Variants in AGFG2 observed in about 807,000 individuals in gnomAD.
The protein encoded by AGFG2 is arf-GAP domain and FG repeat-containing protein 2.
Under a neutral mutation model 48.0 loss-of-function variants are expected in AGFG2, and 31 were observed. The ratio of observed to expected loss-of-function variants is 0.65; its 90% CI spans 0.49 to 0.87. The LOEUF (loss-of-function observed/expected upper bound fraction) is 0.87. Among genes scored for constraint, AGFG2 ranks in the 40% least tolerant of loss-of-function variants. AGFG2 has a pLI of 0.00. For missense variants in AGFG2, 599 were observed against 632.6 expected, an observed-to-expected ratio of 0.95 and a Z score of 0.57; for synonymous variants, 229 against 260.8, an observed-to-expected ratio of 0.88 and a Z score of 1.18.
At position 100,545,944 on chromosome 7, in the gene AGFG2, C is replaced by G. The variant is rs1375449023; in HGVS notation, c.222-2878C>G. ...TGACTCATAGGCCATGTAACTAGGC[C>G]CCCTTCCTAGGCTGCAGTGTTGCCT... On this transcript the variant is annotated intron_variant, in intron 1 of 11. Coordinates refer to ENST00000300176, the MANE Select transcript of AGFG2 (RefSeq NM_006076.5). Among the ~76,000 whole-genome samples, 3 of 152,104 alleles carry G rather than the reference C, an allele frequency of 2.0e-5. 1 individual carries two copies. In the East Asian group the frequency reaches 5.8e-4, roughly 29 times the overall value.
In AGFG2 at chr7:100,562,906, G is replaced by A. The variant is rs201635709; in HGVS notation, c.1131G>A (p.Leu377=). 3.5e-5 allele frequency: 57 copies of A among 1,614,140 alleles called. No individual in the cohort carries two copies. In the Admixed American group the frequency reaches 3.8e-4, roughly 11 times the overall value. Reference sequence around the variant, plus strand: ...CAGCTCCCGCCGCCCAGTCCCCGCTGCCTTCCACCAACCCGTTCCAGCCCA... The same window carrying A: ...CAGCTCCCGCCGCCCAGTCCCCGCTACCTTCCACCAACCCGTTCCAGCCCA... ...PFTAPAAQSP[L]PSTNPFQPNG... The change falls in exon 9 of 12, where the codon CTG becomes CTA. Residue 377 remains leucine, a synonymous_variant. Transcript: ENST00000300176. The surrounding 1 kb of genome is among the most constrained non-coding windows in gnomAD (Gnocchi z 5.4).
In AGFG2 at chr7:100,562,290, T is replaced by TC; in HGVS notation, c.913dup (p.Leu305ProfsTer28). On this transcript the variant is annotated frameshift_variant, in exon 7 of 12. Coordinates refer to ENST00000300176, the MANE Select transcript of AGFG2 (RefSeq NM_006076.5). LOFTEE classifies it high-confidence loss of function. This position sits in a 1 kb window ranked among gnomAD's most constrained non-coding sequence, Gnocchi z 5.4. Reference sequence around the variant, plus strand: ...GCCAGGGGACTCCATTTGGTGCCACTCCCCTGGCACCCGCCAGTCAGCCAA... The same window carrying TC: ...GCCAGGGGACTCCATTTGGTGCCACTCCCCCTGGCACCCGCCAGTCAGCCAA... The TC allele has an allele frequency of 4.3e-6, 7 of 1,610,602 alleles. No homozygotes were observed. Among genetic ancestry groups the TC allele is most frequent in the Non-Finnish European group, 5.1e-6 (6 of 1,179,444 alleles).
Position 100,554,253 on chromosome 7 carries a change from T to G in AGFG2, c.746T>G (p.Phe249Cys). ...MAPAFAAFPA[F>C]GGQTPSQGGF... ...CCAGCTTTTGCTGCATTCCCTGCCT[T>G]TGGGGGTAAGTGGGTTTTGGGATGG... Residue 249 changes from phenylalanine (F) to cysteine (C), a missense_variant, in exon 5 of 12, where the codon TTT becomes TGT. Transcript: ENST00000300176. 6.2e-7 allele frequency: 1 copy of G among 1,611,980 alleles called. No individual in the cohort carries two copies. Among genetic ancestry groups the G allele is most frequent in the Non-Finnish European group, 8.5e-7 (1 of 1,178,932 alleles).
rs746581473 is a variant in AGFG2 at position 100,554,094 on chromosome 7, C to T, written c.587C>T (p.Pro196Leu). Residue 196 changes from proline to leucine, a missense_variant and splice_region_variant, in exon 5 of 12, where the codon CCC becomes CTC. Transcript: ENST00000300176. ...TGTATGCATTCCTTCTCCTCCAAGC[C>T]CGTCAGTCAGTCTCACGCTCGGACA... The part of the protein sequence containing the change: ...LSVAASTSSQ[P>L]VSQSHARTSQ... 1.2e-6 allele frequency: 2 copies of T among 1,612,396 alleles called. No homozygotes were observed. The highest frequency in any genetic ancestry group is 1.3e-5 in the African/African-American group (1 of 74,882).
At chr7:100,555,808 A>T (rs1013585490) in intron 6 of AGFG2, 73 bp downstream of exon 6, 3 of 1,578,140 alleles carry the variant, frequency 1.9e-6, no homozygotes, top group Non-Finnish European at 2.6e-6. Context: ...ATCACCATTC[A>T]TATCCTCACT....
chr7:100,563,692 A>C, intron 9 of AGFG2, 142 bp from the exon 10 acceptor site: 36 of 1,241,504 alleles, frequency 2.9e-5, no homozygotes, highest in Non-Finnish European at 3.8e-5. Context: ...GAGAAGCAGA[A>C]GAGTTCCATG....
At chr7:100,549,795 C>T (rs777388524) in intron 2 of AGFG2, among the ~76,000 whole-genome samples, 19 of 152,128 alleles carry the variant, frequency 1.2e-4, no homozygotes, top group African/African-American at 2.2e-4. Context: ...TGGGCTCAAA[C>T]GATCCTCCCA....
In AGFG2 at chr7:100,539,399, G is replaced by T; in HGVS notation, c.53G>T (p.Gly18Val). ...GGCCCGGGCGGCGGGGTCAGCGGGG[G>T]CAAGGCGGAGGCGGAGGCGGCCTCG... Reference protein sequence around the residue: ...GPGPGGGVSGGKAEAEAASEV... With the variant: ...GPGPGGGVSGVKAEAEAASEV... Residue 18 changes from glycine (G) to valine (V), a missense_variant, in exon 1 of 12, where the codon GGC becomes GTC. By Grantham distance (109) the Gly-to-Val change is moderately radical. Coordinates refer to ENST00000300176, the MANE Select transcript of AGFG2 (RefSeq NM_006076.5). 7.6e-7 allele frequency: 1 copy of T among 1,312,136 alleles called. No individual in the cohort carries two copies. The highest frequency in any genetic ancestry group is 9.7e-7 in the Non-Finnish European group (1 of 1,027,576). The allele number at this position is 1,312,136 out of a possible 1,614,324, so 81.3% of individuals were successfully genotyped here.
At position 100,539,285 on chromosome 7, in the gene AGFG2, G is replaced by A. The variant is rs1045253935; in HGVS notation, c.-62G>A. 4.7e-6 allele frequency: 6 copies of A among 1,267,748 alleles called. No homozygotes were observed. In the African/African-American group the frequency reaches 6.2e-5, roughly 13 times the overall value. The allele number at this position is 1,267,748 out of a possible 1,614,324, so 78.5% of individuals were successfully genotyped here. On this transcript the variant is annotated 5_prime_UTR_variant, in exon 1 of 12. Transcript: ENST00000300176. ...CCGGGCGTGCGGAGGCGGCTGAGGA[G>A]GCGGGAAGGCGGCAGTGGTTGAAGG...
At position 100,565,103 on chromosome 7, in the gene AGFG2, T is replaced by G; in HGVS notation, c.*112T>G. On this transcript the variant is annotated 3_prime_UTR_variant, in exon 12 of 12. Transcript: ENST00000300176. ...CTATGGGCCTTGGGGATGGTGGAGG[T>G]GCTAATGCTTTGCTTGGGGCCTACA... 1 of 1,251,948 alleles carries G rather than the reference T, an allele frequency of 8.0e-7. No individual in the cohort carries two copies. The highest frequency in any genetic ancestry group is 1.2e-6 in the Non-Finnish European group (1 of 855,952). 77.6% of individuals were successfully genotyped at this position (1,251,948 alleles called of 1,614,324 possible). A position where few individuals can be genotyped will look rare whatever the true frequency, so the allele number is the denominator to read the frequency against.
chr7:100,564,034 C>T (rs537592052), intron 10 of AGFG2, 72 bp downstream of exon 10: 48 of 1,583,594 alleles, frequency 3.0e-5, no homozygotes, highest in East Asian at 9.0e-5. Flanking sequence ...GTTGTTCCTC[C>T]GACCTCATCA....
Position 100,553,376 on chromosome 7 carries a change from C to G in AGFG2, c.461C>G (p.Pro154Arg). Reference protein sequence around the residue: ...WYVPPDQVKGPTYTKGSASTP... With the variant: ...WYVPPDQVKGRTYTKGSASTP... Reference sequence around the variant, plus strand: ...GTCCCCCCAGACCAAGTCAAGGGGCCCACTTATACCAAAGGCAGTGCCTCC... The same window carrying G: ...GTCCCCCCAGACCAAGTCAAGGGGCGCACTTATACCAAAGGCAGTGCCTCC... The change falls in exon 4 of 12, where the codon CCC (proline) becomes CGC (arginine). Residue 154 changes from proline to arginine, a missense_variant. Pro to Arg is a moderately radical substitution (Grantham distance 103). Transcript: ENST00000300176. 1 of 1,614,178 alleles carries G rather than the reference C, an allele frequency of 6.2e-7. No homozygotes were observed. Among genetic ancestry groups the G allele is most frequent in the Non-Finnish European group, 8.5e-7 (1 of 1,180,026 alleles).
At chr7:100,563,750 C>T in intron 9 of AGFG2, 84 bp from the exon 10 acceptor site, 1 of 1,571,698 alleles carries the variant, frequency 6.4e-7, no homozygotes, top group Non-Finnish European at 8.6e-7. Flanking sequence ...ATCCCATTTT[C>T]CCATCTTGGA....
intron 3 of AGFG2, among the ~76,000 whole-genome samples, chr7:100,551,057 TA>T (rs1562791836): frequency 5.3e-5 from 6 of 113,630 alleles, no homozygotes; most frequent in African/African-American, 1.9e-4. Context: ...TATATATATA[TA>T]TATATATATT....
chr7:100,548,742 C>CCCT lies in AGFG2; in HGVS notation c.222-65_222-63dup, dbSNP rs937056134. The CCCT allele has an allele frequency of 6.9e-5, 73 of 1,051,266 alleles. No homozygotes were observed. In the East Asian group the frequency reaches 1.0e-3, roughly 15 times the overall value. The allele number at this position is 1,051,266 out of a possible 1,614,324, so 65.1% of individuals were successfully genotyped here. ...TATATGCTATTCTTTCACCCTTTCT[C>CCCT]CCTCCTCCTCCTCCTCCCATGAACA... On this transcript the variant is annotated intron_variant, in intron 1 of 11. Coordinates refer to ENST00000300176, the MANE Select transcript of AGFG2 (RefSeq NM_006076.5).
chr7:100,546,291 A>T (rs912479930), intron 1 of AGFG2, among the ~76,000 whole-genome samples: 23 of 152,038 alleles, frequency 1.5e-4, no homozygotes, highest in Middle Eastern at 3.4e-3. Context: ...ACAAGGAAGC[A>T]TACCTCCCTG....
chr7:100,559,897 A>C (rs1427292292), intron 6 of AGFG2, among the ~76,000 whole-genome samples: 1 of 151,858 alleles, frequency 6.6e-6, no homozygotes, highest in African/African-American at 2.4e-5. Flanking sequence ...CTCCTTTGTG[A>C]GAATGCACCC....
chr7:100,551,036 A>T (rs1302050860), intron 3 of AGFG2, among the ~76,000 whole-genome samples: 13 of 49,132 alleles, frequency 2.6e-4, no homozygotes, highest in African/African-American at 1.1e-3. Flanking sequence ...TAATTTATAT[A>T]TATATATATA....
intron 1 of AGFG2, among the ~76,000 whole-genome samples, chr7:100,543,495 TGGGTTACAAATATGTCTCCTTCATAA>T (rs1291483543): frequency 1.2e-4 from 18 of 152,192 alleles, no homozygotes; most frequent in Admixed American, 1.2e-3. Flanking sequence ...TTCTGTTCAG[TGGGTTACAAATATGTCTCCTTCATAA>T]GGGGATAGAG....
Sources: allele counts gnomAD v4.1 joint callset (sites outside exome capture counted in the v4.1 genomes callset), GRCh38; gene constraint gnomAD v4.1.1; non-coding constraint Gnocchi (gnomAD v3.1); transcripts MANE v1.5; gene names NCBI Gene and HGNC (gene_info 2026-07-23, HGNC 2026-07-21).